The following SPTSSB variants were observed in gnomAD, a reference collection of about 807,000 sequenced individuals.
SPTSSB encodes serine palmitoyltransferase small subunit B, also known as androgen down regulated in mouse prostate.
A neutral mutation model predicts 7.7 loss-of-function variants in SPTSSB; 6 were observed. The observed-to-expected ratio is 0.78, with a 90% CI of 0.43 to 1.54. The LOEUF is 1.54. SPTSSB is among the 40% of genes most tolerant of loss of function. SPTSSB has a pLI of 0.01. For missense variants in SPTSSB, 91 were observed against 93.0 expected (o/e 0.98, Z 0.09); for synonymous variants, 28 against 29.7 (o/e 0.94, Z 0.19).
intron 1 of SPTSSB, among the ~76,000 whole-genome samples, chr3:161,363,628 A>C (rs903241598): frequency 6.6e-6 from 1 of 151,992 alleles, no homozygotes; most frequent in Non-Finnish European, 1.5e-5. Flanking sequence ...TTTTTAAAAA[A>C]CTTTGTATAT....
chr3:161,354,871 A>G lies in SPTSSB; in HGVS notation c.-33+4931T>C, dbSNP rs148385099. On this transcript the variant is annotated intron_variant, in intron 2 of 2. Coordinates refer to ENST00000620149, the MANE Select transcript of SPTSSB (RefSeq NM_001040100.2). ...GCTGGGAAAGAAAATTTGGAATTCG[A>G]CTTTAACAAAAATTCTCATGATAAT... 9.4e-3 allele frequency among the ~76,000 whole-genome samples: 1,425 copies of G among 152,372 alleles called. 35 individuals carry two copies. Among genetic ancestry groups the G allele is most frequent in the South Asian group, 0.014 (69 of 4,830 alleles).
chr3:161,360,537 T>C (rs1333049315), intron 1 of SPTSSB, among the ~76,000 whole-genome samples: 1 of 152,206 alleles, frequency 6.6e-6, no homozygotes, highest in East Asian at 1.9e-4. Flanking sequence ...AGAAAATATC[T>C]GTGAAAATGT....
intron 2 of SPTSSB, among the ~76,000 whole-genome samples, chr3:161,348,272 C>T (rs1375625729): frequency 7.4e-6 from 1 of 134,666 alleles, no homozygotes; most frequent in Non-Finnish European, 1.5e-5. Context: ...CAAAACAAAA[C>T]AAAACAAAAC....
rs956265686 is a variant in SPTSSB, at chr3:161,371,353, A to T, written c.-126+82T>A. On this transcript the variant is annotated intron_variant, in intron 1 of 2. Transcript: ENST00000620149. Reference sequence around the variant, plus strand: ...TAAATTGCATTAAAGCTCAGTATTAATTTTTTCCTCCTATAGAGACAGGAA... The same window carrying T: ...TAAATTGCATTAAAGCTCAGTATTATTTTTTTCCTCCTATAGAGACAGGAA... 13 of 913,396 alleles carry T rather than the reference A, an allele frequency of 1.4e-5. No homozygotes were observed. The Admixed American group carries it at 4.3e-4, about 30-fold the overall frequency. The allele number at this position is 913,396 out of a possible 1,614,324, so 56.6% of individuals were successfully genotyped here. A position where few individuals can be genotyped will look rare whatever the true frequency, so the allele number is the denominator to read the frequency against.
intron 2 of SPTSSB, among the ~76,000 whole-genome samples, chr3:161,353,246 G>T (rs1714623956): frequency 6.6e-6 from 1 of 152,144 alleles, no homozygotes; most frequent in African/African-American, 2.4e-5. Flanking sequence ...CAACTGTAGT[G>T]TCTTGTCATT....
At chr3:161,348,224 C>T (rs1194634335) in intron 2 of SPTSSB, 1 of 151,874 alleles carries the variant, frequency 6.6e-6, no homozygotes, top group Non-Finnish European at 1.5e-5. Flanking sequence ...ACTTCAAGTC[C>T]AGCCTGAGCA....
intron 1 of SPTSSB, among the ~76,000 whole-genome samples, chr3:161,363,268 A>G (rs1715083306): frequency 6.6e-6 from 1 of 151,650 alleles, no homozygotes; most frequent in Non-Finnish European, 1.5e-5. Flanking sequence ...CTTCTCCATC[A>G]ATAGTATAAT....
At chr3:161,358,660 A>G (rs2108162964) in intron 2 of SPTSSB, among the ~76,000 whole-genome samples, 1 of 151,284 alleles carries the variant, frequency 6.6e-6, no homozygotes, top group South Asian at 2.1e-4. Context: ...TATGACTTTT[A>G]TTGGTTACTA....
chr3:161,354,161 C>T (rs1372704764), intron 2 of SPTSSB, among the ~76,000 whole-genome samples: 1 of 152,138 alleles, frequency 6.6e-6, no homozygotes, highest in East Asian at 1.9e-4. Context: ...AGCACATTAT[C>T]GCTTTAGGCA....
chr3:161,353,836 C>G (rs1427563392), intron 2 of SPTSSB, among the ~76,000 whole-genome samples: 1 of 152,156 alleles, frequency 6.6e-6, no homozygotes, highest in Non-Finnish European at 1.5e-5. Flanking sequence ...CTGTGCCCTA[C>G]AGAAAATTCC....
intron 2 of SPTSSB, among the ~76,000 whole-genome samples, chr3:161,350,201 G>A (rs1714460429): frequency 6.6e-6 from 1 of 152,058 alleles, no homozygotes; most frequent in Non-Finnish European, 1.5e-5. Flanking sequence ...CTGGAAGGAA[G>A]TTAGGTAACT....
intron 2 of SPTSSB, among the ~76,000 whole-genome samples, chr3:161,352,123 A>G (rs562258445): frequency 6.6e-6 from 1 of 152,260 alleles, no homozygotes; most frequent in African/African-American, 2.4e-5. Context: ...AACTGTCCAA[A>G]CTTAACAGAT....
chr3:161,355,846 A>G (rs967963485), intron 2 of SPTSSB, among the ~76,000 whole-genome samples: 3 of 152,232 alleles, frequency 2.0e-5, no homozygotes, highest in Non-Finnish European at 4.4e-5. Context: ...GTTTACCACA[A>G]TTAAACATTT....
In SPTSSB at chr3:161,359,700, G is replaced by A. The variant is rs1048894795; in HGVS notation, c.-33+102C>T. The stretch of plus-strand genomic sequence containing the variant: ...TCTAGTGTATAATAAATGTTTGCTG[G>A]CTGCTTAGGAGAGAACTAGATGTGT... On this transcript the variant is annotated intron_variant, in intron 2 of 2. Transcript: ENST00000620149. 3.1e-6 allele frequency: 3 copies of A among 981,320 alleles called. No homozygotes were observed. In the African/African-American group the frequency reaches 5.3e-5, roughly 17 times the overall value. 60.8% of individuals were successfully genotyped at this position (981,320 alleles called of 1,614,324 possible).
In SPTSSB at chr3:161,351,599, G is replaced by A. The variant is rs536115275; in HGVS notation, c.-32-5244C>T. On this transcript the variant is annotated intron_variant, in intron 2 of 2. Coordinates refer to ENST00000620149, the MANE Select transcript of SPTSSB (RefSeq NM_001040100.2). The stretch of plus-strand genomic sequence containing the variant: ...GTATACACTCACACATACACACACA[G>A]AGAGAGAGAGAGAAAGAGAGAGAGA... Among the ~76,000 whole-genome samples, 43 of 150,598 alleles carry A rather than the reference G, an allele frequency of 2.9e-4. 1 individual carries two copies. The South Asian group carries it at 7.9e-3, about 28-fold the overall frequency.
chr3:161,357,649 G>A (rs1714830722), intron 2 of SPTSSB, among the ~76,000 whole-genome samples: 1 of 152,192 alleles, frequency 6.6e-6, no homozygotes. Flanking sequence ...GTTCAATTAA[G>A]TTAAGGATCT....
intron 2 of SPTSSB, among the ~76,000 whole-genome samples, chr3:161,355,000 G>A (rs1212077842): frequency 6.6e-6 from 1 of 152,210 alleles, no homozygotes; most frequent in African/African-American, 2.4e-5. Flanking sequence ...TGATGCTGAG[G>A]AGATATTAGG....
chr3:161,357,542 T>C (rs139177719), intron 2 of SPTSSB, among the ~76,000 whole-genome samples: 142 of 152,346 alleles, frequency 9.3e-4, no homozygotes, highest in African/African-American at 3.2e-3. Context: ...AATACTTATA[T>C]TGGGATTTTG....
At chr3:161,366,779 C>A (rs1715239218) in intron 1 of SPTSSB, among the ~76,000 whole-genome samples, 1 of 152,070 alleles carries the variant, frequency 6.6e-6, no homozygotes, top group Non-Finnish European at 1.5e-5. Context: ...ATTCATTTAT[C>A]TTTTTTAAAA....
Sources: gnomAD v4.1 joint callset for allele counts (sites outside exome capture counted in the v4.1 genomes callset) on GRCh38, gnomAD v4.1.1 for gene constraint, MANE v1.5 for transcripts, NCBI Gene and HGNC (gene_info 2026-07-23, HGNC 2026-07-21) for gene names.